CALD1: variants seen among roughly 807,000 people sequenced by gnomAD.
CALD1 encodes the protein caldesmon.
CALD1 carries 33 observed loss-of-function variants against 99.9 expected under a neutral mutation model. The observed-to-expected ratio is 0.33, with a 90% CI of 0.25 to 0.44. The LOEUF is 0.44. CALD1 is among the 20% of genes least tolerant of loss of function. The pLI is 1.00. For missense variants in CALD1, 861 were observed against 962.1 expected (o/e 0.89, Z 1.39); for synonymous variants, 310 against 325.0 (o/e 0.95, Z 0.50).
intron 1 of CALD1, among the ~76,000 whole-genome samples, chr7:134,753,023 CA>C (rs1190864560): frequency 0.033 from 1,583 of 48,638 alleles, 49 homozygotes; most frequent in African/African-American, 0.11. Context: ...AAAAAAAAAA[CA>C]AAAAAAAACA....
chr7:134,732,085 T>G, the CALD1 span, among the ~76,000 whole-genome samples: 1 of 152,222 alleles, frequency 6.6e-6, no homozygotes, highest in Admixed American at 6.5e-5. Flanking sequence ...TGTTTTCTTT[T>G]TATTTCCACT....
intron 9 of CALD1, among the ~76,000 whole-genome samples, chr7:134,955,437 A>G (rs561991346): frequency 9.1e-4 from 139 of 152,344 alleles, no homozygotes; most frequent in Non-Finnish European, 1.6e-3. Context: ...TTAGGTTGCC[A>G]TAACAAAATA....
the CALD1 span, among the ~76,000 whole-genome samples, chr7:134,736,086 T>C: frequency 6.6e-6 from 1 of 152,318 alleles, no homozygotes; most frequent in South Asian, 2.1e-4. Context: ...GCTTCCTGCA[T>C]ACAGTGCTTT....
chr7:134,808,269 T>C (rs1364077014), intron 1 of CALD1, among the ~76,000 whole-genome samples: 1 of 149,298 alleles, frequency 6.7e-6, no homozygotes, highest in Non-Finnish European at 1.5e-5. Flanking sequence ...CTGGGCTAAT[T>C]TTTTTTTTAA....
chr7:134,942,432 A>G (rs1014088411), intron 7 of CALD1, among the ~76,000 whole-genome samples: 18 of 152,264 alleles, frequency 1.2e-4, no homozygotes, highest in Admixed American at 2.0e-4. Flanking sequence ...ATTTATCCAA[A>G]GGAGAACCTA....
intron 3 of CALD1, among the ~76,000 whole-genome samples, chr7:134,898,012 C>G (rs1004578519): frequency 1.3e-5 from 2 of 152,156 alleles, no homozygotes; most frequent in Non-Finnish European, 2.9e-5. Flanking sequence ...GCAACCTCTG[C>G]CTCCCAGGTT....
chr7:134,806,993 T>C (rs1275055481), intron 1 of CALD1, among the ~76,000 whole-genome samples: 2 of 152,202 alleles, frequency 1.3e-5, no homozygotes, highest in African/African-American at 4.8e-5. Context: ...GCATTATTAA[T>C]TGAGGAAAAT....
intron 1 of CALD1, among the ~76,000 whole-genome samples, chr7:134,802,979 C>T (rs143570110): frequency 2.6e-5 from 4 of 152,178 alleles, no homozygotes; most frequent in Non-Finnish European, 4.4e-5. Context: ...CTGTTCACTG[C>T]GGTGATGCTG....
At chr7:134,922,371 T>C (rs1333530597) in intron 3 of CALD1, among the ~76,000 whole-genome samples, 1 of 152,212 alleles carries the variant, frequency 6.6e-6, no homozygotes, top group African/African-American at 2.4e-5. Flanking sequence ...AATAAAATAC[T>C]ATTGCCACAA....
intron 3 of CALD1, among the ~76,000 whole-genome samples, chr7:134,896,288 G>A (rs183120763): frequency 6.6e-6 from 1 of 152,182 alleles, no homozygotes; most frequent in South Asian, 2.1e-4. Context: ...TTGCATTTAT[G>A]TTCCAGTGCT....
At position 134,864,203 on chromosome 7, in the gene CALD1, C is replaced by T. The variant is rs182122462; in HGVS notation, c.-41-3490C>T. Among the ~76,000 whole-genome samples the T allele has an allele frequency of 1.7e-3, 263 of 152,044 alleles. 2 individuals carry two copies. The highest frequency in any genetic ancestry group is 5.6e-3 in the African/African-American group (232 of 41,500). On this transcript the variant is annotated intron_variant, in intron 2 of 14. Coordinates refer to ENST00000361675, the MANE Select transcript of CALD1 (RefSeq NM_033138.4). ...GTCTCTACTAAAAATAAAAATTAGCCGGGTGTGGCGGTATACACCTGTAAT... is the reference window on the plus strand; with the variant it reads ...GTCTCTACTAAAAATAAAAATTAGCTGGGTGTGGCGGTATACACCTGTAAT...
chr7:134,743,213 C>G (rs1232407386), upstream of CALD1, among the ~76,000 whole-genome samples: 1 of 152,104 alleles, frequency 6.6e-6, no homozygotes, highest in African/African-American at 2.4e-5. Flanking sequence ...CATGAAGAAG[C>G]ATCTTCAACT....
chr7:134,790,908 CAGGTATTCAAAAGGCCAACATATCCAAA>C (rs1797503052), intron 1 of CALD1, among the ~76,000 whole-genome samples: 1 of 152,154 alleles, frequency 6.6e-6, no homozygotes, highest in South Asian at 2.1e-4. Context: ...AGGATCAGTT[CAGGTATTCAAAAGGCCAACATATCCAAA>C]AGGTATTCAA....
At chr7:134,826,198 A>T (rs867228294) in intron 1 of CALD1, among the ~76,000 whole-genome samples, 4 of 152,180 alleles carry the variant, frequency 2.6e-5, no homozygotes, top group Non-Finnish European at 5.9e-5. Flanking sequence ...AGAATAAAGT[A>T]CAAAACTGAT....
Position 134,969,085 on chromosome 7 carries a change from T to G in CALD1, c.*740T>G, listed in dbSNP as rs1244010503. The G allele has an allele frequency of 6.5e-6, 1 of 154,310 alleles. No homozygotes were observed. Among genetic ancestry groups the G allele is most frequent in the African/African-American group, 2.4e-5 (1 of 41,474 alleles). The allele number at this position is 154,310 out of a possible 1,614,324, so 9.6% of individuals were successfully genotyped here. On this transcript the variant is annotated 3_prime_UTR_variant, in exon 15 of 15. Transcript: ENST00000361675. The stretch of plus-strand genomic sequence containing the variant: ...ACACACTAATGGTAGAATGCTTTTT[T>G]ATGTGCTAGACTATTATATTTAGTA...
intron 1 of CALD1, among the ~76,000 whole-genome samples, chr7:134,830,607 A>T (rs528669249): frequency 6.6e-6 from 1 of 151,648 alleles, no homozygotes; most frequent in African/African-American, 2.4e-5. Context: ...GTTCCCCTCT[A>T]TGTGTCCATG....
intron 1 of CALD1, 81 bp from the exon 2 acceptor site, chr7:134,843,803 A>G (rs1189285259): frequency 6.6e-6 from 1 of 152,242 alleles, no homozygotes; most frequent in East Asian, 1.9e-4. Flanking sequence ...CTTGAGGAAG[A>G]AATGATATTT....
chr7:134,770,952 C>A (rs1381260998), intron 1 of CALD1, among the ~76,000 whole-genome samples: 1 of 152,176 alleles, frequency 6.6e-6, no homozygotes, highest in Non-Finnish European at 1.5e-5. Context: ...GGAAGTGAAT[C>A]GGGTAACAAT....
In CALD1 at chr7:134,933,886, G is replaced by A. The variant is rs764898963; in HGVS notation, c.1117G>A (p.Ala373Thr). The A allele has an allele frequency of 5.0e-6, 8 of 1,613,662 alleles. No individual in the cohort carries two copies. In the Admixed American group the frequency reaches 1.3e-4, roughly 27 times the overall value. ...EKRAAEERQR[A>T]RAEEEEKAKV... The stretch of plus-strand genomic sequence containing the variant: ...AAGGGCAGCAGAGGAGAGGCAAAGG[G>A]CCAGGGCAGAGGAGGAAGAGAAGGC... The change falls in exon 5 of 15, where the codon GCC becomes ACC. Residue 373 changes from alanine to threonine, a missense_variant. Ala to Thr is a moderately conservative substitution (Grantham distance 58). Transcript: ENST00000361675.
Sources: gnomAD v4.1 joint callset for allele counts (sites outside exome capture counted in the v4.1 genomes callset) on GRCh38, gnomAD v4.1.1 for gene constraint, MANE v1.5 for transcripts, NCBI Gene and HGNC (gene_info 2026-07-23, HGNC 2026-07-21) for gene names.